Variants in MGAT4A observed in about 807,000 individuals in gnomAD.
MGAT4A encodes the protein N-acetylglucosaminyltransferase IVa.
MGAT4A carries 33 observed loss-of-function variants against 74.1 expected under a neutral mutation model. The observed-to-expected ratio is 0.45, with a 90% CI of 0.34 to 0.60. The LOEUF (loss-of-function observed/expected upper bound fraction) is 0.60, where lower values mean the gene tolerates loss of function less well. MGAT4A is among the 20% of genes least tolerant of loss of function. The pLI, the probability that MGAT4A is intolerant of heterozygous loss-of-function variation, is 0.02. For synonymous variants in MGAT4A, 198 were observed against 210.4 expected (o/e 0.94, Z 0.51); for missense variants, 479 against 628.3 (o/e 0.76, Z 2.54).
chr2:98,709,773 A>AG (rs1212608755), intron 2 of MGAT4A, among the ~76,000 whole-genome samples: 2 of 152,222 alleles, frequency 1.3e-5, no homozygotes, highest in African/African-American at 4.8e-5. Context: ...GGACAAACAA[A>AG]GGGGTAAATT....
chr2:98,661,626 C>G (rs1021094254), intron 5 of MGAT4A, among the ~76,000 whole-genome samples: 2 of 152,090 alleles, frequency 1.3e-5, no homozygotes, highest in Non-Finnish European at 2.9e-5. Context: ...CAAAACTAAA[C>G]AGAAAACATT....
rs941215132 is a variant in MGAT4A, at chr2:98,674,925, A to C, written c.403+110T>G. 26 of 1,125,412 alleles carry C rather than the reference A, an allele frequency of 2.3e-5. No homozygotes were observed. In the Admixed American group the frequency reaches 6.3e-4, roughly 27 times the overall value. The allele number at this position is 1,125,412 out of a possible 1,614,324, so 69.7% of individuals were successfully genotyped here. On this transcript the variant is annotated intron_variant, in intron 4 of 15. Transcript: ENST00000393487. ...AGAATGATCTGATGTGCACAGATAA[A>C]GAAAGAACTTTCATTTTTTGACCTC...
intron 4 of MGAT4A, among the ~76,000 whole-genome samples, chr2:98,666,692 C>CAAAA (rs1184837604): frequency 7.5e-6 from 1 of 132,792 alleles, no homozygotes; most frequent in African/African-American, 2.8e-5. Context: ...GACCCTGTCT[C>CAAAA]AAAAAAAAAA....
At position 98,726,024 on chromosome 2, in the gene MGAT4A, T is replaced by C. The variant is rs1189983454; in HGVS notation, c.94+215A>G. 7 of 482,410 alleles carry C rather than the reference T, an allele frequency of 1.5e-5. No homozygotes were observed. The South Asian group carries it at 1.9e-4, about 13-fold the overall frequency. 29.9% of individuals were successfully genotyped at this position (482,410 alleles called of 1,614,324 possible). On this transcript the variant is annotated intron_variant, in intron 2 of 15. Transcript: ENST00000393487. ...CAGTATCTGTTTCTCCAAGTACAAT[T>C]ATAAGAAACTGAAAACAAAACAAGC...
At chr2:98,730,490 G>C (rs1391706030) in intron 1 of MGAT4A, among the ~76,000 whole-genome samples, 1 of 152,168 alleles carries the variant, frequency 6.6e-6, no homozygotes, top group African/African-American at 2.4e-5. Context: ...AAGGCTGCAC[G>C]GCCGGTCCCC....
intron 14 of MGAT4A, among the ~76,000 whole-genome samples, chr2:98,632,349 C>T (rs1023073537): frequency 6.6e-6 from 1 of 152,148 alleles, no homozygotes; most frequent in African/African-American, 2.4e-5. Context: ...GCAAGCCACA[C>T]CCCCATCACA....
chr2:98,675,025 A>T lies in MGAT4A; in HGVS notation c.403+10T>A. The T allele has an allele frequency of 6.2e-7, 1 of 1,607,680 alleles. No individual in the cohort carries two copies. The stretch of plus-strand genomic sequence containing the variant: ...TAGTACAACTGCAGTAAGAAACAAA[A>T]TAAACATACCTCCTGTTCTTCCGTT... On this transcript the variant is annotated intron_variant, in intron 4 of 15. Coordinates refer to ENST00000393487, the MANE Select transcript of MGAT4A (RefSeq NM_012214.3).
chr2:98,634,199 T>C (rs1701284087), intron 14 of MGAT4A, among the ~76,000 whole-genome samples: 1 of 152,014 alleles, frequency 6.6e-6, no homozygotes, highest in Admixed American at 6.6e-5. Flanking sequence ...CCCCTCCCTC[T>C]CCAGGGGAGC....
chr2:98,730,442 G>A (rs893007999), intron 1 of MGAT4A, among the ~76,000 whole-genome samples: 38 of 152,296 alleles, frequency 2.5e-4, no homozygotes, highest in African/African-American at 8.7e-4. Flanking sequence ...TTTCACGCGG[G>A]CCCCGCAGCC....
chr2:98,726,256 G>T lies in MGAT4A; in HGVS notation c.77C>A (p.Thr26Lys). ...TSFLTLSWYT[T>K]WQNGKEKLIA... ...TTCCTTACCTTTCCCATTTTGCCAT[G>T]TAGTATACCAAGACAAAGTAAGGAA... is the stretch of plus-strand genomic sequence containing the variant. Residue 26 changes from threonine (T) to lysine (K), a missense_variant, in exon 2 of 16, where the codon ACA becomes AAA. Around this residue, in one of 3 missense-constraint regions of MGAT4A, gnomAD observed 205 missense variants for 232.7 expected, o/e 0.88. Transcript: ENST00000393487. The T allele has an allele frequency of 6.2e-7, 1 of 1,613,644 alleles. No individual in the cohort carries two copies. Among genetic ancestry groups the T allele is most frequent in the Non-Finnish European group, 8.5e-7 (1 of 1,179,632 alleles).
chr2:98,661,789 G>T (rs1325384703), intron 5 of MGAT4A, among the ~76,000 whole-genome samples: 2 of 152,122 alleles, frequency 1.3e-5, no homozygotes, highest in Non-Finnish European at 2.9e-5. Flanking sequence ...CAGTCTCCCA[G>T]TCCAAGCCTC....
At position 98,729,312 on chromosome 2, in the gene MGAT4A, G is replaced by A. The variant is rs994592162; in HGVS notation, c.-236+1736C>T. On this transcript the variant is annotated intron_variant, in intron 1 of 15. Transcript: ENST00000393487. ...AATGTAGTCATACATTTTTAATTAG[G>A]GTTTCCCAGCTAATAAGTTTAACTG... Among the ~76,000 whole-genome samples, 7 of 152,176 alleles carry A rather than the reference G, an allele frequency of 4.6e-5. No homozygotes were observed. In the South Asian group the frequency reaches 1.5e-3, roughly 32 times the overall value.
intron 2 of MGAT4A, among the ~76,000 whole-genome samples, chr2:98,711,187 C>G (rs1026044908): frequency 6.6e-6 from 1 of 151,336 alleles, no homozygotes; most frequent in Non-Finnish European, 1.5e-5. Context: ...AGGGGAAACA[C>G]CAGCCTGGGC....
At chr2:98,638,243 AAC>A (rs987388998) in intron 12 of MGAT4A, among the ~76,000 whole-genome samples, 1 of 152,162 alleles carries the variant, frequency 6.6e-6, no homozygotes, top group African/African-American at 2.4e-5. Context: ...ATATATGTAA[AAC>A]ATTGTTTTTA....
intron 8 of MGAT4A, among the ~76,000 whole-genome samples, chr2:98,647,004 CCTTT>C (rs1344724645): frequency 3.3e-5 from 5 of 152,206 alleles, no homozygotes; most frequent in African/African-American, 9.7e-5. Flanking sequence ...TTTACTCCAG[CCTTT>C]CTTTAAGAAC....
At chr2:98,722,359 A>G (rs1261377974) in intron 2 of MGAT4A, among the ~76,000 whole-genome samples, 3 of 152,196 alleles carry the variant, frequency 2.0e-5, no homozygotes, top group African/African-American at 4.8e-5. Context: ...ACGTGAAGCA[A>G]CCCCACTGTG....
Position 98,619,107 on chromosome 2 carries a change from TAA to T in MGAT4A, c.*6457_*6458del, listed in dbSNP as rs1701008031. ...AAGTTAATAATAAAATACTACTCATTAAGTTTCACCTATTTTTATTAGAAGGA... is the reference window on the plus strand; with the variant it reads ...AAGTTAATAATAAAATACTACTCATTGTTTCACCTATTTTTATTAGAAGGA... On this transcript the variant is annotated 3_prime_UTR_variant, in exon 16 of 16. Coordinates refer to ENST00000393487, the MANE Select transcript of MGAT4A (RefSeq NM_012214.3). 1 of 152,628 alleles carries T rather than the reference TAA, an allele frequency of 6.6e-6. No individual in the cohort carries two copies. Among genetic ancestry groups the T allele is most frequent in the African/African-American group, 2.4e-5 (1 of 41,448 alleles). 9.5% of individuals were successfully genotyped at this position (152,628 alleles called of 1,614,324 possible).
At chr2:98,630,153 A>C (rs1392558467) in intron 14 of MGAT4A, among the ~76,000 whole-genome samples, 3 of 152,238 alleles carry the variant, frequency 2.0e-5, no homozygotes, top group African/African-American at 7.2e-5. Flanking sequence ...ATACATGTGC[A>C]CAAGTGTTCA....
At chr2:98,726,199 T>C (rs1018094691) in intron 2 of MGAT4A, 40 bp downstream of exon 2, 1 of 1,549,148 alleles carries the variant, frequency 6.5e-7, no homozygotes. Flanking sequence ...GCAAAAACCC[T>C]AGTACATTTC....
Sources: allele counts gnomAD v4.1 joint callset (sites outside exome capture counted in the v4.1 genomes callset), GRCh38; gene constraint gnomAD v4.1.1; regional missense constraint gnomAD v4.1.1; transcripts MANE v1.5; gene names NCBI Gene and HGNC (gene_info 2026-07-23, HGNC 2026-07-21).